The following SMAP1 variants were observed in gnomAD, a reference collection of about 807,000 sequenced individuals.
SMAP1 encodes stromal membrane-associated protein 1.
SMAP1 carries 24 observed loss-of-function variants against 58.5 expected under a neutral mutation model. The observed-to-expected ratio is 0.41, with a 90% CI of 0.30 to 0.58. The LOEUF (loss-of-function observed/expected upper bound fraction) is 0.58, where lower values mean the gene tolerates loss of function less well. Ranked by LOEUF, SMAP1 falls within the 20% of genes least tolerant of loss-of-function variation. The pLI is 0.29. For synonymous variants in SMAP1, 216 were observed against 196.6 expected, an observed-to-expected ratio of 1.10 and a Z score of -0.82; for missense variants, 563 against 566.3, an observed-to-expected ratio of 0.99 and a Z score of 0.06.
intron 6 of SMAP1, among the ~76,000 whole-genome samples, chr6:70,821,362 T>C (rs1403943992): frequency 6.6e-6 from 1 of 152,152 alleles, no homozygotes; most frequent in African/African-American, 2.4e-5. Context: ...CTGCTGTTAG[T>C]GGACATTTGA....
intron 1 of SMAP1, among the ~76,000 whole-genome samples, chr6:70,689,936 T>C (rs1412118509): frequency 6.6e-6 from 1 of 152,196 alleles, no homozygotes; most frequent in African/African-American, 2.4e-5. Flanking sequence ...CTCATTTATT[T>C]GTTTTCATAG....
At chr6:70,823,245 G>A (rs1769970188) in intron 6 of SMAP1, among the ~76,000 whole-genome samples, 1 of 152,100 alleles carries the variant, frequency 6.6e-6, no homozygotes, top group South Asian at 2.1e-4. Context: ...AGATAAATAG[G>A]ACTTTATTAA....
At position 70,709,224 on chromosome 6, in the gene SMAP1, C is replaced by A. The variant is rs372736983; in HGVS notation, c.119-23154C>A. 1.3e-4 allele frequency among the ~76,000 whole-genome samples: 20 copies of A among 152,244 alleles called. No homozygotes were observed. In the East Asian group the frequency reaches 3.7e-3, roughly 28 times the overall value. ...GCGGGCTTGTCAGGAATTACTTGAC[C>A]ATATATGCTTGGATTTATTTCTGGC... On this transcript the variant is annotated intron_variant, in intron 1 of 10. Coordinates refer to ENST00000370455, the MANE Select transcript of SMAP1 (RefSeq NM_001044305.3).
chr6:70,810,497 A>C (rs1241164586), intron 6 of SMAP1, among the ~76,000 whole-genome samples: 1 of 152,190 alleles, frequency 6.6e-6, no homozygotes, highest in African/African-American at 2.4e-5. Flanking sequence ...ATATATATCC[A>C]CATGGGATCA....
chr6:70,861,776 A>G lies in SMAP1; in HGVS notation c.*1442A>G, dbSNP rs1771742929. 1 of 1,613,926 alleles carries G rather than the reference A, an allele frequency of 6.2e-7. No individual in the cohort carries two copies. Among genetic ancestry groups the G allele is most frequent in the African/African-American group, 1.3e-5 (1 of 74,922 alleles). ...TGAAGGGGAAGGAAATAGCTTGGGT[A>G]GCGCACTCTTCATGGTGACACTCGA... is the stretch of plus-strand genomic sequence containing the variant. On this transcript the variant is annotated 3_prime_UTR_variant, in exon 11 of 11. Coordinates refer to ENST00000370455, the MANE Select transcript of SMAP1 (RefSeq NM_001044305.3).
chr6:70,742,377 A>G (rs1157151960), intron 2 of SMAP1, among the ~76,000 whole-genome samples: 3 of 152,142 alleles, frequency 2.0e-5, no homozygotes, highest in East Asian at 3.9e-4. Flanking sequence ...AAGATTTACA[A>G]ATCTCTAGGG....
chr6:70,740,092 T>C (rs1267195908), intron 2 of SMAP1, among the ~76,000 whole-genome samples: 1 of 152,208 alleles, frequency 6.6e-6, no homozygotes, highest in African/African-American at 2.4e-5. Flanking sequence ...ATTGTAGAGC[T>C]ATTATTCTTA....
chr6:70,773,518 A>T, intron 4 of SMAP1, 93 bp downstream of exon 4: 1 of 693,336 alleles, frequency 1.4e-6, no homozygotes, highest in Non-Finnish European at 2.3e-6. Flanking sequence ...TTGTGAAAAC[A>T]TACTAGTTGT....
chr6:70,705,595 T>A (rs1304101456), intron 1 of SMAP1, among the ~76,000 whole-genome samples: 1 of 152,128 alleles, frequency 6.6e-6, no homozygotes, highest in African/African-American at 2.4e-5. Context: ...CTTGCCAGTT[T>A]AAGAGAGAAT....
chr6:70,768,668 T>C (rs1767119111), intron 3 of SMAP1, among the ~76,000 whole-genome samples: 1 of 151,614 alleles, frequency 6.6e-6, no homozygotes, highest in African/African-American at 2.4e-5. Context: ...TTGCTAGTGG[T>C]CTATCAATTT....
At chr6:70,670,582 G>A (rs1381096602) in intron 1 of SMAP1, among the ~76,000 whole-genome samples, 1 of 152,144 alleles carries the variant, frequency 6.6e-6, no homozygotes, top group Non-Finnish European at 1.5e-5. Context: ...TAAAAGATAT[G>A]TTAAAGGTCT....
intron 3 of SMAP1, among the ~76,000 whole-genome samples, chr6:70,765,976 A>G (rs909748590): frequency 2.8e-5 from 4 of 142,108 alleles, no homozygotes; most frequent in African/African-American, 5.3e-5. Context: ...ATTCCCACCT[A>G]TGAGTGAGAA....
chr6:70,770,279 A>G (rs1175387424), intron 3 of SMAP1, among the ~76,000 whole-genome samples: 1 of 151,836 alleles, frequency 6.6e-6, no homozygotes, highest in Non-Finnish European at 1.5e-5. Context: ...GTATTTCCTG[A>G]ATCTGAATGT....
intron 6 of SMAP1, among the ~76,000 whole-genome samples, chr6:70,807,002 AT>A (rs1769162892): frequency 6.6e-6 from 1 of 152,132 alleles, no homozygotes; most frequent in Non-Finnish European, 1.5e-5. Flanking sequence ...CTTTATTGCA[AT>A]TTAAAGTGCT....
At chr6:70,811,428 A>G (rs1769381775) in intron 6 of SMAP1, among the ~76,000 whole-genome samples, 1 of 152,150 alleles carries the variant, frequency 6.6e-6, no homozygotes, top group African/African-American at 2.4e-5. Context: ...ATCTAGATCC[A>G]TGAAACTGGG....
chr6:70,687,915 A>C (rs575160631), intron 1 of SMAP1, among the ~76,000 whole-genome samples: 4 of 152,072 alleles, frequency 2.6e-5, no homozygotes, highest in Non-Finnish European at 5.9e-5. Flanking sequence ...TACCACAAGA[A>C]TCTCTTGTGT....
chr6:70,716,688 A>G (rs1167460801), intron 1 of SMAP1, among the ~76,000 whole-genome samples: 1 of 151,752 alleles, frequency 6.6e-6, no homozygotes, highest in Non-Finnish European at 1.5e-5. Flanking sequence ...TTCAGTTATT[A>G]TATTTTTCAT....
intron 1 of SMAP1, among the ~76,000 whole-genome samples, chr6:70,671,841 A>G (rs1366938383): frequency 3.3e-5 from 5 of 152,210 alleles, no homozygotes. Flanking sequence ...CATTGTATGG[A>G]TAGACCACAA....
intron 1 of SMAP1, among the ~76,000 whole-genome samples, chr6:70,730,990 G>A (rs958992919): frequency 1.3e-5 from 2 of 152,080 alleles, no homozygotes; most frequent in Non-Finnish European, 2.9e-5. Flanking sequence ...AGTAGAGACC[G>A]GATTTCACCA....
Sources: gnomAD v4.1 joint callset for allele counts (sites outside exome capture counted in the v4.1 genomes callset) on GRCh38, gnomAD v4.1.1 for gene constraint, MANE v1.5 for transcripts, NCBI Gene and HGNC (gene_info 2026-07-23, HGNC 2026-07-21) for gene names.